ZNF678: variants seen among roughly 807,000 people sequenced by gnomAD.
ZNF678 encodes the protein zinc finger protein 678, also known as hypothetical protein MGC42493.
Under a neutral mutation model 3.0 loss-of-function variants are expected in ZNF678, and 5 were observed. The ratio of observed to expected loss-of-function variants is 1.69; its 90% confidence interval spans 0.88 to 3.56. The LOEUF (loss-of-function observed/expected upper bound fraction) is 3.56. ZNF678 is among the 30% of genes most tolerant of loss of function. The pLI is 0.00. For missense variants in ZNF678, 593 were observed against 605.0 expected (o/e 0.98, Z 0.21); for synonymous variants, 218 against 199.6 (o/e 1.09, Z -0.78).
intron 1 of ZNF678, among the ~76,000 whole-genome samples, chr1:227,581,578 C>A (rs1233638907): frequency 6.6e-6 from 1 of 152,054 alleles, no homozygotes. Context: ...TTCTTAGTGG[C>A]GCATTGCTTC....
intron 1 of ZNF678, among the ~76,000 whole-genome samples, chr1:227,567,654 A>G (rs532173009): frequency 2.1e-4 from 32 of 152,066 alleles, no homozygotes; most frequent in African/African-American, 7.5e-4. Context: ...AAATAAAGCT[A>G]ATTTATATTT....
intron 5 of ZNF678, among the ~76,000 whole-genome samples, chr1:227,673,477 G>A (rs1659634468): frequency 6.6e-6 from 1 of 152,198 alleles, no homozygotes; most frequent in Non-Finnish European, 1.5e-5. Flanking sequence ...GGTCCTCCAT[G>A]ACTGATTTAG....
At chr1:227,588,063 A>G (rs575531852) in intron 1 of ZNF678, among the ~76,000 whole-genome samples, 91 of 152,114 alleles carry the variant, frequency 6.0e-4, no homozygotes, top group African/African-American at 1.8e-3. Context: ...GCTCCCACTT[A>G]TAAGTGAGAA....
chr1:227,598,805 A>G (rs945759296), intron 1 of ZNF678: 3 of 557,452 alleles, frequency 5.4e-6, no homozygotes, highest in South Asian at 1.7e-5. Context: ...CATTTTCACA[A>G]TCAGAAGAAC....
intron 1 of ZNF678, among the ~76,000 whole-genome samples, chr1:227,628,311 T>C (rs1013949214): frequency 6.6e-6 from 1 of 152,116 alleles, no homozygotes; most frequent in African/African-American, 2.4e-5. Flanking sequence ...TTCTGTGACA[T>C]ATAAAGAAAA....
In ZNF678 at chr1:227,661,025, GACACA is replaced by G. The variant is rs1474785335; in HGVS notation, c.*5199_*5203del. The stretch of plus-strand genomic sequence containing the variant: ...GAGGATGCATCTGTACCTAGAGGAG[GACACA>G]AAGGCATCATATGTTACATTCTCGT... On this transcript the variant is annotated 3_prime_UTR_variant, in exon 4 of 4. Coordinates refer to ENST00000343776, the MANE Select transcript of ZNF678 (RefSeq NM_001367909.1). The G allele has an allele frequency of 6.6e-6, 1 of 152,064 alleles. No individual in the cohort carries two copies. The highest frequency in any genetic ancestry group is 1.5e-5 in the Non-Finnish European group (1 of 68,008). The allele number at this position is 152,064 out of a possible 1,614,324, so 9.4% of individuals were successfully genotyped here.
intron 1 of ZNF678, among the ~76,000 whole-genome samples, chr1:227,600,797 A>G (rs989355955): frequency 3.3e-5 from 5 of 152,048 alleles, no homozygotes; most frequent in African/African-American, 1.2e-4. Flanking sequence ...ATTAGACCCC[A>G]TTTGCCAGTT....
intron 1 of ZNF678, among the ~76,000 whole-genome samples, chr1:227,593,206 G>A (rs922518193): frequency 6.6e-6 from 1 of 152,258 alleles, no homozygotes; most frequent in Admixed American, 6.5e-5. Context: ...GTGGAAGGGG[G>A]ACAGTTTGGG....
At position 227,646,101 on chromosome 1, in the gene ZNF678, G is replaced by A. The variant is rs1658948905; in HGVS notation, c.-163-443G>A. Among the ~76,000 whole-genome samples, 3 of 152,196 alleles carry A rather than the reference G, an allele frequency of 2.0e-5. No individual in the cohort carries two copies. In the South Asian group the frequency reaches 6.2e-4, roughly 32 times the overall value. ...GTTCAGAAGCATTGGCATCACAGGT[G>A]AACTTGTTCAAAATTCAAAAAGTCA... On this transcript the variant is annotated intron_variant, in intron 1 of 3. Transcript: ENST00000343776.
chr1:227,586,627 G>A (rs1036610073), intron 1 of ZNF678, among the ~76,000 whole-genome samples: 2 of 152,190 alleles, frequency 1.3e-5, no homozygotes, highest in African/African-American at 4.8e-5. Context: ...TAAGGCAGAA[G>A]TTTAGAAACA....
At chr1:227,633,209 GAACA>G (rs1658593844) in intron 1 of ZNF678, among the ~76,000 whole-genome samples, 1 of 152,170 alleles carries the variant, frequency 6.6e-6, no homozygotes, top group South Asian at 2.1e-4. Flanking sequence ...GCTCAAGTCG[GAACA>G]AACAGACCAG....
intron 1 of ZNF678, among the ~76,000 whole-genome samples, chr1:227,613,522 T>C (rs1162628153): frequency 2.6e-5 from 4 of 152,210 alleles, no homozygotes; most frequent in African/African-American, 9.7e-5. Context: ...ACGACATTGC[T>C]GCCTCACTAG....
chr1:227,669,986 G>A (rs1373128855), intron 5 of ZNF678, among the ~76,000 whole-genome samples: 3 of 152,028 alleles, frequency 2.0e-5, no homozygotes, highest in Admixed American at 6.6e-5. Context: ...TTAAGAAAAC[G>A]TACATTTACA....
At chr1:227,593,673 T>C (rs1218414092) in intron 1 of ZNF678, among the ~76,000 whole-genome samples, 1 of 152,076 alleles carries the variant, frequency 6.6e-6, no homozygotes, top group African/African-American at 2.4e-5. Context: ...TAGTTTGAGG[T>C]GAAATTAACA....
chr1:227,574,105 G>A lies in ZNF678; in HGVS notation c.-164+10381G>A, dbSNP rs371862763. On this transcript the variant is annotated intron_variant, in intron 1 of 3. Transcript: ENST00000343776. ...GCATTTAGGTTGACTCCATGTCTTT[G>A]CAATTGTGAATAGTGCTGCAGTGAA... 8.5e-5 allele frequency among the ~76,000 whole-genome samples: 13 copies of A among 152,254 alleles called. No individual in the cohort carries two copies. The South Asian group carries it at 2.5e-3, about 29-fold the overall frequency.
At chr1:227,632,937 G>A (rs1311694536) in intron 1 of ZNF678, among the ~76,000 whole-genome samples, 1 of 152,170 alleles carries the variant, frequency 6.6e-6, no homozygotes, top group Non-Finnish European at 1.5e-5. Flanking sequence ...GCTATGTGGT[G>A]AGTGTTATAG....
intron 1 of ZNF678, among the ~76,000 whole-genome samples, chr1:227,576,163 T>C (rs1656982680): frequency 6.6e-6 from 1 of 152,190 alleles, no homozygotes. Flanking sequence ...TTGTTGAGGC[T>C]GAGGTTTTTG....
At chr1:227,578,782 A>G (rs1310121809) in intron 1 of ZNF678, among the ~76,000 whole-genome samples, 1 of 152,104 alleles carries the variant, frequency 6.6e-6, no homozygotes, top group Non-Finnish European at 1.5e-5. Context: ...CTTCTTGGAG[A>G]GGTGACACAG....
intron 1 of ZNF678, among the ~76,000 whole-genome samples, chr1:227,646,329 T>TA (rs2102796560): frequency 6.6e-6 from 1 of 152,172 alleles, no homozygotes; most frequent in African/African-American, 2.4e-5. Flanking sequence ...ACAACACTTA[T>TA]AAAAATATAG....
Sources: gnomAD v4.1 joint callset for allele counts (sites outside exome capture counted in the v4.1 genomes callset) on GRCh38, gnomAD v4.1.1 for gene constraint, MANE v1.5 for transcripts, NCBI Gene and HGNC (gene_info 2026-07-23, HGNC 2026-07-21) for gene names.